The following ITK variants were observed in gnomAD, a reference collection of about 807,000 sequenced individuals.
ITK encodes tyrosine-protein kinase ITK/TSK.
A neutral mutation model predicts 87.6 loss-of-function variants in ITK; 45 were observed. The observed-to-expected ratio is 0.51, with a 90% CI of 0.40 to 0.66. The LOEUF is 0.66. Ranked by LOEUF, ITK falls within the 30% of genes least tolerant of loss-of-function variation. The pLI is 0.00. For synonymous variants in ITK, 303 were observed against 273.6 expected, an observed-to-expected ratio of 1.11 and a Z score of -1.06; for missense variants, 605 against 766.3, an observed-to-expected ratio of 0.79 and a Z score of 2.48.
rs527954572 is a variant in ITK, at chr5:157,211,213, G to A, written c.244-74G>A. The A allele has an allele frequency of 3.7e-5, 47 of 1,259,728 alleles. 1 individual carries two copies. In the South Asian group the frequency reaches 5.2e-4, roughly 14 times the overall value. The allele number at this position is 1,259,728 out of a possible 1,614,324, so 78.0% of individuals were successfully genotyped here. ...ATAAACACCCGAGACCCCACTCTCG[G>A]CTCAGTAGGTCTGCTGTCAGTCAAC... On this transcript the variant is annotated intron_variant, in intron 2 of 16. Coordinates refer to ENST00000422843, the MANE Select transcript of ITK (RefSeq NM_005546.4).
At chr5:157,240,743 A>C (rs1335768658) in intron 10 of ITK, 2 of 176,512 alleles carry the variant, frequency 1.1e-5, no homozygotes, top group Admixed American at 1.1e-4. Flanking sequence ...AGAAGATGCC[A>C]CAGACATTTA....
At chr5:157,235,260 G>C (rs1431717583) in intron 8 of ITK, among the ~76,000 whole-genome samples, 2 of 152,168 alleles carry the variant, frequency 1.3e-5, no homozygotes, top group Non-Finnish European at 2.9e-5. Flanking sequence ...AGAACCTCAA[G>C]AGGTGGCACC....
At chr5:157,230,285 A>G (rs939029192) in intron 7 of ITK, among the ~76,000 whole-genome samples, 5 of 152,232 alleles carry the variant, frequency 3.3e-5, no homozygotes, top group Non-Finnish European at 7.3e-5. Flanking sequence ...TTATGTGTAT[A>G]TGATGGTTCT....
rs188575712 is a variant in ITK, at chr5:157,188,380, A to T, written c.138+7265A>T. On this transcript the variant is annotated intron_variant, in intron 1 of 16. Coordinates refer to ENST00000422843, the MANE Select transcript of ITK (RefSeq NM_005546.4). The stretch of plus-strand genomic sequence containing the variant: ...TCAAGACCCTTCATCCTGTGGTCCC[A>T]GCCTGCCTTCTTTATTTCACTTCAC... Among the ~76,000 whole-genome samples the T allele has an allele frequency of 2.2e-3, 338 of 152,278 alleles. 1 individual carries two copies. The highest frequency in any genetic ancestry group is 7.6e-3 in the African/African-American group (316 of 41,550).
chr5:157,209,980 C>T (rs1369694334), intron 2 of ITK, among the ~76,000 whole-genome samples: 3 of 150,272 alleles, frequency 2.0e-5, no homozygotes, highest in South Asian at 2.1e-4. Context: ...GGCTGGAGTG[C>T]AGTGGCGCAA....
chr5:157,230,098 C>G (rs1354812210), intron 7 of ITK, among the ~76,000 whole-genome samples: 1 of 151,942 alleles, frequency 6.6e-6, no homozygotes, highest in Non-Finnish European at 1.5e-5. Flanking sequence ...AATCTCATGA[C>G]TTCGGTAATT....
At chr5:157,228,704 G>A (rs115540837) in intron 7 of ITK, among the ~76,000 whole-genome samples, 1,661 of 151,040 alleles carry the variant, frequency 0.011, 22 homozygotes, top group African/African-American at 0.037. Context: ...GTGTGATCTC[G>A]GCTCATCGCA....
Position 157,241,654 on chromosome 5 carries a change from A to T in ITK, c.994A>T (p.Thr332Ser). 1 of 1,613,758 alleles carries T rather than the reference A, an allele frequency of 6.2e-7. No homozygotes were observed. The highest frequency in any genetic ancestry group is 8.5e-7 in the Non-Finnish European group (1 of 1,179,732). ...YHQHNGGGLV[T>S]RLRYPVCFGR... ...CTTTTCAATCAACCCAGGCCTGGTG[A>T]CTCGACTCCGGTATCCAGTTTGTTT... The change falls in exon 11 of 17, where the codon ACT becomes TCT. Residue 332 changes from threonine (T) to serine (S), a missense_variant. Around this residue, in one of 3 missense-constraint regions of ITK, gnomAD observed 464 missense variants for 578.0 expected, o/e 0.80. Coordinates refer to ENST00000422843, the MANE Select transcript of ITK (RefSeq NM_005546.4).
chr5:157,202,909 C>T (rs1405314886), intron 1 of ITK, among the ~76,000 whole-genome samples: 1 of 152,132 alleles, frequency 6.6e-6, no homozygotes, highest in Admixed American at 6.5e-5. Context: ...GTTCACAATT[C>T]CAGTTAATAT....
chr5:157,222,524 A>G (rs1754440237), intron 5 of ITK, among the ~76,000 whole-genome samples: 1 of 152,240 alleles, frequency 6.6e-6, no homozygotes, highest in Non-Finnish European at 1.5e-5. Flanking sequence ...GCACAAACTG[A>G]AAGATTTCAT....
intron 12 of ITK, 23 bp from the exon 13 acceptor site, chr5:157,244,239 C>CA: frequency 6.3e-7 from 1 of 1,598,826 alleles, no homozygotes; most frequent in Non-Finnish European, 8.6e-7. Context: ...TAGGCCATCT[C>CA]ACCCCTTGTC....
chr5:157,186,034 A>G (rs554714724), intron 1 of ITK, among the ~76,000 whole-genome samples: 1 of 152,284 alleles, frequency 6.6e-6, no homozygotes, highest in Non-Finnish European at 1.5e-5. Flanking sequence ...AACTGTTATT[A>G]CCCCAATTTG....
intron 5 of ITK, 122 bp downstream of exon 5, chr5:157,218,029 C>A: frequency 3.3e-6 from 3 of 896,920 alleles, no homozygotes; most frequent in South Asian, 2.7e-5. Flanking sequence ...AGCAGGCTGT[C>A]ATGATTCAGC....
Position 157,186,840 on chromosome 5 carries a change from C to G in ITK, c.138+5725C>G, listed in dbSNP as rs73814020. 6.6e-5 allele frequency among the ~76,000 whole-genome samples: 10 copies of G among 152,292 alleles called. No homozygotes were observed. In the East Asian group the frequency reaches 1.9e-3, roughly 29 times the overall value. On this transcript the variant is annotated intron_variant, in intron 1 of 16. Transcript: ENST00000422843. The stretch of plus-strand genomic sequence containing the variant: ...CCACCTCTCATGTTGTCCCTGCACC[C>G]GCTTCACCCCTGCCTGCCACTTCAT...
At chr5:157,186,003 A>G (rs538242009) in intron 1 of ITK, among the ~76,000 whole-genome samples, 1 of 152,284 alleles carries the variant, frequency 6.6e-6, no homozygotes, top group African/African-American at 2.4e-5. Flanking sequence ...CCTAACCATT[A>G]TAACCACTCT....
intron 3 of ITK, 42 bp downstream of exon 3, chr5:157,211,410 TC>T (rs1255085263): frequency 6.8e-7 from 1 of 1,475,698 alleles, no homozygotes; most frequent in Non-Finnish European, 9.5e-7. Flanking sequence ...ACACTCTTGA[TC>T]CTATAGTAGG....
intron 1 of ITK, among the ~76,000 whole-genome samples, chr5:157,194,280 C>T (rs1000597433): frequency 6.6e-6 from 1 of 152,136 alleles, no homozygotes; most frequent in Non-Finnish European, 1.5e-5. Flanking sequence ...AGTGTGTTTC[C>T]ATTCACCTGA....
At position 157,181,119 on chromosome 5, in the gene ITK, T is replaced by C. The variant is rs1345629562; in HGVS notation, c.138+4T>C. ...ATACTTTGAAGATCGTCATGGGGTA[T>C]GTGAGCAGTTTCATTTGTCTTTTTT... On this transcript the variant is annotated splice_donor_region_variant and intron_variant, in intron 1 of 16. Transcript: ENST00000422843. The C allele has an allele frequency of 1.5e-5, 25 of 1,613,842 alleles. No individual in the cohort carries two copies. Among genetic ancestry groups the C allele is most frequent in the Non-Finnish European group, 2.0e-5 (24 of 1,179,806 alleles).
intron 1 of ITK, among the ~76,000 whole-genome samples, chr5:157,203,923 T>G (rs1754024965): frequency 1.3e-5 from 2 of 152,216 alleles, no homozygotes; most frequent in Admixed American, 6.5e-5. Flanking sequence ...ATGATTAACT[T>G]TGGCTACCTC....
Sources: allele counts gnomAD v4.1 joint callset (sites outside exome capture counted in the v4.1 genomes callset), GRCh38; gene constraint gnomAD v4.1.1; regional missense constraint gnomAD v4.1.1; transcripts MANE v1.5; gene names NCBI Gene and HGNC (gene_info 2026-07-23, HGNC 2026-07-21).